UMAD1: variants seen among roughly 807,000 people sequenced by gnomAD.
UMAD1 encodes UBAP1-MVB12-associated (UMA) domain containing 1, also known as UBAP1-MVB12-associated (UMA)-domain containing protein 1.
In UMAD1, 8 loss-of-function variants were observed where a neutral mutation model predicts 6.1. That is an observed-to-expected ratio of 1.30 (90% CI 0.76 to 2.35). The LOEUF is 2.35. UMAD1 is among the 30% of genes most tolerant of loss of function. UMAD1 has a pLI of 0.00. For synonymous variants in UMAD1, 56 were observed against 31.4 expected (o/e 1.78, Z -2.61); for missense variants, 130 against 78.4 (o/e 1.66, Z -2.49).
intron 1 of UMAD1, among the ~76,000 whole-genome samples, chr7:7,658,822 A>C (rs1048905483): frequency 1.3e-5 from 2 of 152,108 alleles, no homozygotes; most frequent in African/African-American, 4.8e-5. Context: ...GGCCTCATAA[A>C]ATGAGTTAGG....
intron 3 of UMAD1, among the ~76,000 whole-genome samples, chr7:7,812,867 G>A (rs1278591985): frequency 7.1e-6 from 1 of 141,460 alleles, no homozygotes; most frequent in African/African-American, 2.6e-5. Context: ...GTCCTCCTTT[G>A]GTTTATATTA....
rs576956619 is a variant in UMAD1, at chr7:7,701,371, A to G, written c.82+27918A>G. ...CAGTTTTTGCATTTGCTAGAAGAAA[A>G]CAAAGCACACTACAGACAATCTATG... On this transcript the variant is annotated intron_variant, in intron 2 of 3. Coordinates refer to ENST00000682710, the MANE Select transcript of UMAD1 (RefSeq NM_001302348.2). Among the ~76,000 whole-genome samples, 4 of 151,916 alleles carry G rather than the reference A, an allele frequency of 2.6e-5. No individual in the cohort carries two copies. The East Asian group carries it at 7.7e-4, about 29-fold the overall frequency.
chr7:7,782,967 A>G (rs1006476920), intron 2 of UMAD1, among the ~76,000 whole-genome samples: 1 of 152,292 alleles, frequency 6.6e-6, no homozygotes, highest in African/African-American at 2.4e-5. Flanking sequence ...GCCTGACTTC[A>G]GGTAATCTGC....
At chr7:7,793,084 G>A (rs188782682) in intron 2 of UMAD1, among the ~76,000 whole-genome samples, 15 of 152,332 alleles carry the variant, frequency 9.8e-5, no homozygotes, top group Non-Finnish European at 1.6e-4. Flanking sequence ...CTGAACGAGC[G>A]TGTCGCTAAT....
At chr7:7,858,345 T>G (rs1355512076) in intron 3 of UMAD1, among the ~76,000 whole-genome samples, 1 of 152,218 alleles carries the variant, frequency 6.6e-6, no homozygotes, top group African/African-American at 2.4e-5. Flanking sequence ...CCATAAATTA[T>G]TTAGTTTCTT....
rs17481640 is a variant in UMAD1, at chr7:7,701,686, G to A, written c.82+28233G>A. ...TTAGGAGGCTGATTAGGATGATTAAGAGAATGACAGGGTATTTACTTATGT... is the reference window on the plus strand; with the variant it reads ...TTAGGAGGCTGATTAGGATGATTAAAAGAATGACAGGGTATTTACTTATGT... On this transcript the variant is annotated intron_variant, in intron 2 of 3. Coordinates refer to ENST00000682710, the MANE Select transcript of UMAD1 (RefSeq NM_001302348.2). Among the ~76,000 whole-genome samples, 564 of 152,286 alleles carry A rather than the reference G, an allele frequency of 3.7e-3. 3 individuals are homozygous for A. The highest frequency in any genetic ancestry group is 6.4e-3 in the Non-Finnish European group (437 of 68,022).
intron 2 of UMAD1, among the ~76,000 whole-genome samples, chr7:7,717,355 C>G (rs150931695): frequency 6.6e-6 from 1 of 152,182 alleles, no homozygotes; most frequent in Non-Finnish European, 1.5e-5. Flanking sequence ...CCTCGCCCAG[C>G]CTCCTGTTTC....
At chr7:7,710,636 A>G (rs1386104349) in intron 2 of UMAD1, among the ~76,000 whole-genome samples, 7 of 152,222 alleles carry the variant, frequency 4.6e-5, no homozygotes, top group African/African-American at 1.7e-4. Context: ...TCTGGAAAAT[A>G]GACAGTTTCT....
chr7:7,652,627 G>C (rs1317221864), intron 1 of UMAD1, among the ~76,000 whole-genome samples: 1 of 152,194 alleles, frequency 6.6e-6, no homozygotes, highest in Non-Finnish European at 1.5e-5. Context: ...GAAGTAGATT[G>C]GTTAATTCCG....
At chr7:7,831,182 T>C (rs1435327993) in intron 3 of UMAD1, among the ~76,000 whole-genome samples, 1 of 152,184 alleles carries the variant, frequency 6.6e-6, no homozygotes, top group Non-Finnish European at 1.5e-5. Flanking sequence ...GTGACATTAG[T>C]TTTACTCTGT....
In UMAD1 at chr7:7,723,877, A is replaced by G. The variant is rs1189691420; in HGVS notation, c.82+50424A>G. Among the ~76,000 whole-genome samples, 5 of 152,092 alleles carry G rather than the reference A, an allele frequency of 3.3e-5. No homozygotes were observed. The East Asian group carries it at 7.7e-4, about 23-fold the overall frequency. ...TTGGCTAATTAATCACGGTGTTCCT[A>G]GAAGTGAAATTGATAGGAAGCCTAC... On this transcript the variant is annotated intron_variant, in intron 2 of 3. Transcript: ENST00000682710.
At chr7:7,814,077 A>G (rs1187560360) in intron 3 of UMAD1, among the ~76,000 whole-genome samples, 1 of 151,666 alleles carries the variant, frequency 6.6e-6, no homozygotes, top group East Asian at 1.9e-4. Context: ...TCCGCCTCCC[A>G]GGTTCAAGCG....
intron 3 of UMAD1, among the ~76,000 whole-genome samples, chr7:7,874,458 C>G (rs933335709): frequency 3.2e-4 from 49 of 152,242 alleles, no homozygotes; most frequent in Admixed American, 2.1e-3. Context: ...TGAATCTCAT[C>G]CACATAATGT....
chr7:7,734,307 C>T (rs536853539), intron 2 of UMAD1, among the ~76,000 whole-genome samples: 2 of 152,110 alleles, frequency 1.3e-5, no homozygotes, highest in African/African-American at 4.8e-5. Flanking sequence ...TGAATCTTCT[C>T]TTAGTTCCCA....
intron 2 of UMAD1, among the ~76,000 whole-genome samples, chr7:7,780,837 GTTTA>G (rs1782331065): frequency 6.6e-6 from 1 of 152,136 alleles, no homozygotes; most frequent in Non-Finnish European, 1.5e-5. Context: ...TATATTGTGT[GTTTA>G]TGCATTAATA....
At chr7:7,853,804 G>A (rs1783964123) in intron 3 of UMAD1, among the ~76,000 whole-genome samples, 1 of 151,756 alleles carries the variant, frequency 6.6e-6, no homozygotes, top group Non-Finnish European at 1.5e-5. Flanking sequence ...TATTGTCATC[G>A]AGATCTTGCT....
At chr7:7,832,862 C>T (rs1783491580) in intron 3 of UMAD1, among the ~76,000 whole-genome samples, 1 of 152,100 alleles carries the variant, frequency 6.6e-6, no homozygotes, top group Non-Finnish European at 1.5e-5. Flanking sequence ...TTGGAAACAT[C>T]AGGAGAAGCT....
chr7:7,782,133 C>T (rs938750059), intron 2 of UMAD1, among the ~76,000 whole-genome samples: 2 of 152,014 alleles, frequency 1.3e-5, no homozygotes, highest in African/African-American at 4.8e-5. Context: ...AAAAACTTCT[C>T]TTTTTATTAT....
intron 2 of UMAD1, among the ~76,000 whole-genome samples, chr7:7,778,275 T>TGTGTGTGTGTGTGTGAGA (rs1271237125): frequency 1.4e-4 from 16 of 110,588 alleles, no homozygotes; most frequent in Non-Finnish European, 1.3e-4. Context: ...TGTGTGTGTG[T>TGTGTGTGTGTGTGTGAGA]GAGAGAGAGA....
Sources: allele counts gnomAD v4.1 joint callset (sites outside exome capture counted in the v4.1 genomes callset), GRCh38; gene constraint gnomAD v4.1.1; transcripts MANE v1.5; gene names NCBI Gene and HGNC (gene_info 2026-07-23, HGNC 2026-07-21).